Variants in NCKAP5 observed in about 807,000 individuals in gnomAD.
NCKAP5 encodes NCK associated protein 5.
In NCKAP5, 92 loss-of-function variants were observed where a neutral mutation model predicts 167.0. That is an observed-to-expected ratio of 0.55 (90% CI 0.47 to 0.66). The LOEUF (loss-of-function observed/expected upper bound fraction) is 0.66. Among genes scored for constraint, NCKAP5 ranks in the 30% least tolerant of loss-of-function variants. NCKAP5 has a pLI of 0.00. For missense variants in NCKAP5, 2,378 were observed against 2,315.0 expected (o/e 1.03, Z -0.56); for synonymous variants, 891 against 877.4 (o/e 1.02, Z -0.27).
intron 8 of NCKAP5, among the ~76,000 whole-genome samples, chr2:132,927,684 T>C (rs922548257): frequency 6.6e-6 from 1 of 152,112 alleles, no homozygotes. Context: ...TTGTTATTGG[T>C]GTATAAAAAT....
chr2:133,288,775 C>T (rs1353280517), intron 4 of NCKAP5, among the ~76,000 whole-genome samples: 3 of 152,070 alleles, frequency 2.0e-5, no homozygotes, highest in Non-Finnish European at 4.4e-5. Flanking sequence ...ATAAAGAAAG[C>T]TAGGTTCATA....
At chr2:133,583,363 T>G in the NCKAP5 span, among the ~76,000 whole-genome samples, 81 of 152,254 alleles carry the variant, frequency 5.3e-4, no homozygotes, top group Non-Finnish European at 1.1e-3. Context: ...AGCATGGCAC[T>G]TCCCCCTCAT....
rs548466617 is a variant in NCKAP5 at position 132,947,289 on chromosome 2, A to C, written c.579+16431T>G. 3.3e-5 allele frequency among the ~76,000 whole-genome samples: 5 copies of C among 152,346 alleles called. No homozygotes were observed. In the South Asian group the frequency reaches 6.2e-4, roughly 19 times the overall value. On this transcript the variant is annotated intron_variant, in intron 8 of 19. Coordinates refer to ENST00000409261, the MANE Select transcript of NCKAP5 (RefSeq NM_207363.3). ...CATCCTGTAGATTAGTTAACTCTTC[A>C]TAAAGGTCATTAAATGGCTTTGAAT...
At chr2:132,986,062 A>T (rs16844906) in intron 7 of NCKAP5, among the ~76,000 whole-genome samples, 1 of 151,974 alleles carries the variant, frequency 6.6e-6, no homozygotes, top group Non-Finnish European at 1.5e-5. Flanking sequence ...CATTTTGTTA[A>T]GGCTTAAAAA....
intron 8 of NCKAP5, among the ~76,000 whole-genome samples, chr2:132,890,415 G>A (rs900965317): frequency 8.5e-5 from 13 of 152,096 alleles, no homozygotes; most frequent in African/African-American, 3.1e-4. Flanking sequence ...AAAAAAAATA[G>A]TCTAATAGAA....
intron 11 of NCKAP5, among the ~76,000 whole-genome samples, chr2:132,811,821 C>G (rs1558809964): frequency 6.6e-6 from 1 of 152,172 alleles, no homozygotes; most frequent in Non-Finnish European, 1.5e-5. Flanking sequence ...TTACAAAGTT[C>G]AGCGGGAGAT....
intron 19 of NCKAP5, among the ~76,000 whole-genome samples, chr2:132,687,962 T>G (rs1686185825): frequency 6.6e-6 from 1 of 152,202 alleles, no homozygotes; most frequent in Non-Finnish European, 1.5e-5. Flanking sequence ...GATTAGCGAT[T>G]AGCGCTGGTG....
the NCKAP5 span, among the ~76,000 whole-genome samples, chr2:133,622,385 C>T: frequency 2.0e-5 from 3 of 152,014 alleles, no homozygotes; most frequent in South Asian, 6.2e-4. Context: ...CCTAGAAAAC[C>T]CTAAAGCCTC....
chr2:133,195,491 T>C (rs1455250632), intron 5 of NCKAP5, among the ~76,000 whole-genome samples: 1 of 152,152 alleles, frequency 6.6e-6, no homozygotes, highest in South Asian at 2.1e-4. Context: ...CAAGCCACTA[T>C]CAATCACTAG....
At chr2:133,278,911 T>C (rs778257577) in intron 4 of NCKAP5, among the ~76,000 whole-genome samples, 1 of 151,822 alleles carries the variant, frequency 6.6e-6, no homozygotes, top group Non-Finnish European at 1.5e-5. Context: ...TAGGAAGAGG[T>C]AGTCAAGCTC....
At chr2:133,657,765 C>A in the NCKAP5 span, among the ~76,000 whole-genome samples, 7 of 152,238 alleles carry the variant, frequency 4.6e-5, no homozygotes, top group East Asian at 9.7e-4. Flanking sequence ...GCGTCACGAA[C>A]TGTGGGAAAT....
intron 19 of NCKAP5, among the ~76,000 whole-genome samples, chr2:132,699,288 A>T (rs1309511013): frequency 6.6e-6 from 1 of 152,210 alleles, no homozygotes; most frequent in Non-Finnish European, 1.5e-5. Context: ...TGGATGATGC[A>T]TTCAGGCTTT....
rs561094272 is a variant in NCKAP5 at position 133,211,503 on chromosome 2, T to C, written c.207+2213A>G. ...CAATGGCCTCCCAATACTATGCATG[T>C]TCTATTTTAAATGGTGAGCTCCTAT... On this transcript the variant is annotated intron_variant, in intron 5 of 19. Coordinates refer to ENST00000409261, the MANE Select transcript of NCKAP5 (RefSeq NM_207363.3). 5.3e-4 allele frequency among the ~76,000 whole-genome samples: 81 copies of C among 152,292 alleles called. 3 individuals carry two copies. In the South Asian group the frequency reaches 0.016, roughly 31 times the overall value.
chr2:132,943,660 T>C (rs1697466315), intron 8 of NCKAP5, among the ~76,000 whole-genome samples: 1 of 152,182 alleles, frequency 6.6e-6, no homozygotes, highest in African/African-American at 2.4e-5. Context: ...TTTCAACACA[T>C]CTGCAGCAGA....
At chr2:133,178,829 C>CAAA (rs66552853) in intron 5 of NCKAP5, among the ~76,000 whole-genome samples, 35 of 58,794 alleles carry the variant, frequency 6.0e-4, no homozygotes, top group African/African-American at 8.4e-4. Flanking sequence ...GACTCCGTCT[C>CAAA]AAAAAAAAAA....
chr2:132,861,122 G>A (rs1558869195), intron 10 of NCKAP5, among the ~76,000 whole-genome samples: 3 of 152,130 alleles, frequency 2.0e-5, no homozygotes, highest in African/African-American at 7.2e-5. Flanking sequence ...GAGAGAAATA[G>A]CTCCGAAGAG....
intron 6 of NCKAP5, among the ~76,000 whole-genome samples, chr2:133,091,353 A>G (rs7578857): frequency 6.6e-6 from 1 of 152,104 alleles, no homozygotes; most frequent in Non-Finnish European, 1.5e-5. Context: ...CCACCACATG[A>G]GCTGGAATAG....
At chr2:133,060,477 A>T (rs553325083) in intron 6 of NCKAP5, among the ~76,000 whole-genome samples, 1 of 152,246 alleles carries the variant, frequency 6.6e-6, no homozygotes, top group South Asian at 2.1e-4. Context: ...TATATTTTAT[A>T]GCTGCATGTT....
chr2:132,924,666 T>C (rs1416288185), intron 8 of NCKAP5, among the ~76,000 whole-genome samples: 2 of 152,218 alleles, frequency 1.3e-5, no homozygotes, highest in Non-Finnish European at 1.5e-5. Flanking sequence ...GATTAGATTA[T>C]GAAAGGTTTA....
Sources: allele counts gnomAD v4.1 joint callset (sites outside exome capture counted in the v4.1 genomes callset), GRCh38; gene constraint gnomAD v4.1.1; transcripts MANE v1.5; gene names NCBI Gene and HGNC (gene_info 2026-07-23, HGNC 2026-07-21).